TRPM3: variants seen among roughly 807,000 people sequenced by gnomAD.
TRPM3 encodes the protein transient receptor potential cation channel subfamily M member 3.
Under a neutral mutation model 181.2 loss-of-function variants are expected in TRPM3, and 77 were observed. The ratio of observed to expected loss-of-function variants is 0.42; its 90% confidence interval spans 0.35 to 0.51. The LOEUF is 0.51. Ranked by LOEUF, TRPM3 falls within the 20% of genes least tolerant of loss-of-function variation. TRPM3 has a pLI of 0.01. For synonymous variants in TRPM3, 745 were observed against 796.4 expected (o/e 0.94, Z 1.09); for missense variants, 1,759 against 2,196.7 (o/e 0.80, Z 3.98).
intron 1 of TRPM3, among the ~76,000 whole-genome samples, chr9:71,311,392 TG>T (rs1354639692): frequency 1.3e-5 from 2 of 152,096 alleles, no homozygotes; most frequent in African/African-American, 4.8e-5. Flanking sequence ...TTCAAGACAG[TG>T]TAGCATTGAC....
intron 1 of TRPM3, among the ~76,000 whole-genome samples, chr9:71,433,003 T>C (rs1292366342): frequency 6.6e-6 from 1 of 152,182 alleles, no homozygotes; most frequent in Non-Finnish European, 1.5e-5. Flanking sequence ...TACAGTAAAA[T>C]CCTTAGTTAG....
At position 70,998,132 on chromosome 9, in the gene TRPM3, CAT is replaced by C. The variant is rs201087042; in HGVS notation, c.177+123044_177+123045del. Among the ~76,000 whole-genome samples the C allele has an allele frequency of 7.0e-3, 752 of 106,762 alleles. 19 individuals carry two copies. The East Asian group carries it at 0.11, about 16-fold the overall frequency. 70.0% of individuals were successfully genotyped at this position (106,762 alleles called of 152,430 possible). A position where few individuals can be genotyped will look rare whatever the true frequency, so the allele number is the denominator to read the frequency against. On this transcript the variant is annotated intron_variant, in intron 1 of 25. Coordinates refer to ENST00000677713, the MANE Select transcript of TRPM3 (RefSeq NM_001366145.2). ...AATGCTCTAATTGTTTATATATATA[CAT>C]ATATATACACATATATATATACATA...
intron 1 of TRPM3, among the ~76,000 whole-genome samples, chr9:71,082,716 T>C (rs1406028360): frequency 6.6e-6 from 1 of 152,142 alleles, no homozygotes; most frequent in Non-Finnish European, 1.5e-5. Context: ...AGGTTGTTAC[T>C]GAAGTTAAAG....
At chr9:71,116,250 CT>C (rs2072356921) in intron 1 of TRPM3, among the ~76,000 whole-genome samples, 1 of 152,126 alleles carries the variant, frequency 6.6e-6, no homozygotes, top group Admixed American at 6.5e-5. Context: ...GGAAATTTAA[CT>C]GTTGCTCCCT....
At chr9:70,794,546 C>G (rs887856877) in intron 6 of TRPM3, among the ~76,000 whole-genome samples, 2 of 152,146 alleles carry the variant, frequency 1.3e-5, no homozygotes, top group Admixed American at 1.3e-4. Context: ...ACTCTGGAAG[C>G]CTTGGCTAGT....
At chr9:70,654,072 C>CT (rs35097634) in intron 9 of TRPM3, among the ~76,000 whole-genome samples, 33 of 147,328 alleles carry the variant, frequency 2.2e-4, no homozygotes, top group Admixed American at 6.1e-4. Flanking sequence ...GGTCTTGGCT[C>CT]TTTTTTTTTT....
At chr9:70,628,127 CT>C (rs1292934832) in intron 12 of TRPM3, among the ~76,000 whole-genome samples, 1 of 152,204 alleles carries the variant, frequency 6.6e-6, no homozygotes, top group African/African-American at 2.4e-5. Flanking sequence ...TTTCTGTATC[CT>C]TTGGCTTTCC....
At chr9:70,746,949 T>A (rs966853913) in intron 8 of TRPM3, among the ~76,000 whole-genome samples, 1 of 152,190 alleles carries the variant, frequency 6.6e-6, no homozygotes, top group Non-Finnish European at 1.5e-5. Context: ...TCCAAGCCCA[T>A]AAACCAAATT....
At chr9:71,153,868 T>C (rs1023691869) in intron 1 of TRPM3, among the ~76,000 whole-genome samples, 2 of 152,134 alleles carry the variant, frequency 1.3e-5, no homozygotes, top group Admixed American at 6.5e-5. Context: ...GCATCTTCCT[T>C]TTTTTCCTTT....
At chr9:71,257,005 C>T (rs1333669956) in intron 1 of TRPM3, among the ~76,000 whole-genome samples, 1 of 152,096 alleles carries the variant, frequency 6.6e-6, no homozygotes, top group South Asian at 2.1e-4. Context: ...AACGAAGAAC[C>T]CTAACATGGT....
At chr9:70,586,873 G>A (rs1241201918) in intron 22 of TRPM3, among the ~76,000 whole-genome samples, 4 of 152,134 alleles carry the variant, frequency 2.6e-5, no homozygotes, top group African/African-American at 9.7e-5. Flanking sequence ...GGGAAGTGAG[G>A]AACAATTAAT....
At chr9:70,698,700 G>T (rs2071416998) in intron 8 of TRPM3, among the ~76,000 whole-genome samples, 1 of 152,100 alleles carries the variant, frequency 6.6e-6, no homozygotes. Flanking sequence ...ATTGGATCGT[G>T]GGGGCAGAGT....
At chr9:70,886,612 C>T (rs545506236) in intron 1 of TRPM3, among the ~76,000 whole-genome samples, 12 of 152,148 alleles carry the variant, frequency 7.9e-5, no homozygotes, top group Middle Eastern at 3.4e-3. Context: ...CTGGGGATGG[C>T]GATCCTCTGT....
chr9:71,360,071 A>G (rs775013621), intron 1 of TRPM3, among the ~76,000 whole-genome samples: 2 of 152,128 alleles, frequency 1.3e-5, no homozygotes, highest in Non-Finnish European at 2.9e-5. Context: ...GCACATAACT[A>G]CAATTAGTGT....
At chr9:71,299,414 C>A (rs1197170082) in intron 1 of TRPM3, among the ~76,000 whole-genome samples, 3 of 151,642 alleles carry the variant, frequency 2.0e-5, no homozygotes, top group Non-Finnish European at 4.4e-5. Context: ...AATATTCTCC[C>A]AATCTTACAA....
intron 1 of TRPM3, among the ~76,000 whole-genome samples, chr9:71,255,435 A>C (rs1293652970): frequency 1.3e-5 from 2 of 152,160 alleles, no homozygotes; most frequent in Non-Finnish European, 2.9e-5. Context: ...CATCCTGCCC[A>C]CATTTGCAGA....
intron 1 of TRPM3, among the ~76,000 whole-genome samples, chr9:71,371,556 T>A (rs1348907194): frequency 2.0e-5 from 3 of 152,178 alleles, no homozygotes; most frequent in Non-Finnish European, 4.4e-5. Context: ...TTCATAAAAT[T>A]TGAATAGATA....
chr9:70,550,393 A>C (rs1008812133), intron 24 of TRPM3, among the ~76,000 whole-genome samples: 68 of 152,324 alleles, frequency 4.5e-4, no homozygotes, highest in African/African-American at 1.5e-3. Context: ...TGAGCCTAAA[A>C]AATAGAAGGA....
intron 8 of TRPM3, among the ~76,000 whole-genome samples, chr9:70,691,561 C>A (rs779747549): frequency 6.6e-6 from 1 of 152,124 alleles, no homozygotes; most frequent in Admixed American, 6.5e-5. Flanking sequence ...TGCCAGAGAA[C>A]GACAGAGGTT....
Sources: gnomAD v4.1 joint callset for allele counts (sites outside exome capture counted in the v4.1 genomes callset) on GRCh38, gnomAD v4.1.1 for gene constraint, MANE v1.5 for transcripts, NCBI Gene and HGNC (gene_info 2026-07-23, HGNC 2026-07-21) for gene names.